SOX5: variants seen among roughly 807,000 people sequenced by gnomAD.
The protein encoded by SOX5 is transcription factor SOX-5.
Under a neutral mutation model 92.0 loss-of-function variants are expected in SOX5, and 9 were observed. That is an observed-to-expected ratio of 0.10 (90% CI 0.06 to 0.17). The LOEUF (loss-of-function observed/expected upper bound fraction) is 0.17. Ranked by LOEUF, SOX5 falls within the 10% of genes least tolerant of loss-of-function variation. The probability of loss-of-function intolerance (pLI) is 1.00; values close to 1 mark genes in which losing one functional copy is unlikely to be tolerated. For synonymous variants in SOX5, 344 were observed against 336.3 expected, an observed-to-expected ratio of 1.02 and a Z score of -0.25; for missense variants, 642 against 944.5, an observed-to-expected ratio of 0.68 and a Z score of 4.20.
intron 4 of SOX5, among the ~76,000 whole-genome samples, chr12:24,092,377 A>T (rs1046456621): frequency 6.6e-6 from 1 of 152,088 alleles, no homozygotes; most frequent in Admixed American, 6.6e-5. Flanking sequence ...TCCTACAAAC[A>T]GGGTTTTGCA....
intron 6 of SOX5, among the ~76,000 whole-genome samples, chr12:23,672,131 T>C (rs2084886978): frequency 6.6e-6 from 1 of 151,884 alleles, no homozygotes. Context: ...TGCAAAGTTA[T>C]CCGATGACTA....
intron 4 of SOX5, among the ~76,000 whole-genome samples, chr12:24,081,068 T>G (rs924819686): frequency 1.3e-5 from 2 of 151,998 alleles, no homozygotes; most frequent in Non-Finnish European, 2.9e-5. Context: ...TAAAATCCAA[T>G]GATGATATCA....
chr12:24,073,742 T>A (rs1051808660), intron 4 of SOX5, among the ~76,000 whole-genome samples: 1 of 152,222 alleles, frequency 6.6e-6, no homozygotes, highest in Non-Finnish European at 1.5e-5. Context: ...TTTAACCTTT[T>A]ACCTAGCACA....
chr12:23,696,111 T>C lies in SOX5; in HGVS notation c.811-30547A>G, dbSNP rs140429237. Among the ~76,000 whole-genome samples, 257 of 152,216 alleles carry C rather than the reference T, an allele frequency of 1.7e-3. 3 individuals are homozygous for C. The East Asian group carries it at 0.041, about 25-fold the overall frequency. On this transcript the variant is annotated intron_variant, in intron 6 of 14. Coordinates refer to ENST00000451604, the MANE Select transcript of SOX5 (RefSeq NM_006940.6). ...TTTGTGAAGAATACTGGCCTATAAA[T>C]TTATTTCCTTGACATACCTTCATGT...
At chr12:24,193,364 G>A (rs945650001) in intron 4 of SOX5, among the ~76,000 whole-genome samples, 14 of 152,162 alleles carry the variant, frequency 9.2e-5, no homozygotes, top group Non-Finnish European at 2.1e-4. Context: ...CCAGCAGTAA[G>A]TCCTCCCTGC....
chr12:24,154,700 T>TA (rs911322635), intron 4 of SOX5, among the ~76,000 whole-genome samples: 306 of 152,142 alleles, frequency 2.0e-3, no homozygotes, highest in Non-Finnish European at 4.0e-4. Context: ...AAACAACATA[T>TA]AAAAAACCAA....
At chr12:23,928,316 CT>C in intron 1 of SOX5, among the ~76,000 whole-genome samples, 1 of 152,102 alleles carries the variant, frequency 6.6e-6, no homozygotes, top group African/African-American at 2.4e-5. Context: ...AGATTTTCCT[CT>C]CTATCCTTAA....
intron 1 of SOX5, among the ~76,000 whole-genome samples, chr12:24,547,997 A>C (rs147313591): frequency 6.6e-5 from 10 of 152,250 alleles, no homozygotes; most frequent in African/African-American, 2.2e-4. Flanking sequence ...TTATAACCAT[A>C]AACTGCTATT....
intron 6 of SOX5, among the ~76,000 whole-genome samples, chr12:23,723,288 C>T (rs1438972909): frequency 6.6e-6 from 1 of 151,832 alleles, no homozygotes; most frequent in East Asian, 1.9e-4. Context: ...CTCAATCTTT[C>T]CAACTTACTC....
chr12:24,414,441 G>A (rs1373769079), intron 1 of SOX5, among the ~76,000 whole-genome samples: 1 of 152,212 alleles, frequency 6.6e-6, no homozygotes, highest in African/African-American at 2.4e-5. Flanking sequence ...TTGGTTCACA[G>A]GCTAACTTGG....
intron 1 of SOX5, among the ~76,000 whole-genome samples, chr12:24,471,730 C>T (rs1944844351): frequency 6.6e-6 from 1 of 152,062 alleles, no homozygotes; most frequent in African/African-American, 2.4e-5. Flanking sequence ...ACTTTGTACT[C>T]CAACTTATAA....
intron 4 of SOX5, among the ~76,000 whole-genome samples, chr12:24,053,181 C>G (rs1372737773): frequency 1.1e-3 from 160 of 145,430 alleles, no homozygotes; most frequent in Non-Finnish European, 1.8e-3. Flanking sequence ...ACTGCACGCC[C>G]CCCCCCTTTT....
chr12:23,743,869 G>A (rs905055657), intron 4 of SOX5, among the ~76,000 whole-genome samples: 3 of 151,826 alleles, frequency 2.0e-5, no homozygotes. Context: ...GCTGTTCAAG[G>A]GTCAACTGTA....
chr12:23,900,911 G>A (rs1262815915), intron 1 of SOX5, among the ~76,000 whole-genome samples: 2 of 152,082 alleles, frequency 1.3e-5, no homozygotes, highest in African/African-American at 4.8e-5. Context: ...AGTGAGCTGA[G>A]ATCGCGCCAC....
chr12:24,521,344 C>A (rs1336512992), intron 1 of SOX5, among the ~76,000 whole-genome samples: 2 of 152,188 alleles, frequency 1.3e-5, no homozygotes, highest in Non-Finnish European at 2.9e-5. Context: ...CGTGAGCCAC[C>A]ACACCTGGCC....
At chr12:24,121,885 CAAAAAAAAAA>C (rs900951883) in intron 4 of SOX5, among the ~76,000 whole-genome samples, 3 of 48,262 alleles carry the variant, frequency 6.2e-5, no homozygotes, top group Non-Finnish European at 1.1e-4. Flanking sequence ...GACTCTATCT[CAAAAAAAAAA>C]AAAAAAAAAA....
intron 2 of SOX5, among the ~76,000 whole-genome samples, chr12:24,315,677 T>C (rs368982131): frequency 1.3e-5 from 2 of 152,128 alleles, no homozygotes; most frequent in African/African-American, 2.4e-5. Context: ...AAATAAAATA[T>C]GAAAGTTTCT....
intron 4 of SOX5, among the ~76,000 whole-genome samples, chr12:24,024,378 C>T (rs896822089): frequency 4.6e-5 from 7 of 150,746 alleles, no homozygotes; most frequent in Admixed American, 2.0e-4. Context: ...TGAAAGCATA[C>T]AGTCTGTTAT....
At chr12:23,720,172 CA>C (rs2092734942) in intron 6 of SOX5, among the ~76,000 whole-genome samples, 1 of 152,030 alleles carries the variant, frequency 6.6e-6, no homozygotes. Context: ...CAGCACAAAA[CA>C]GAAAGAATTT....
Sources: allele counts gnomAD v4.1 joint callset (sites outside exome capture counted in the v4.1 genomes callset), GRCh38; gene constraint gnomAD v4.1.1; transcripts MANE v1.5; gene names NCBI Gene and HGNC (gene_info 2026-07-23, HGNC 2026-07-21).